Variants in BICRA observed in about 807,000 individuals in gnomAD.
BICRA encodes the protein BRD4-interacting chromatin-remodeling complex-associated protein.
BICRA carries 31 observed loss-of-function variants against 96.9 expected under a neutral mutation model. That is an observed-to-expected ratio of 0.32 (90% CI 0.24 to 0.43). BICRA has a LOEUF of 0.43. BICRA is among the 20% of genes least tolerant of loss of function. The probability of loss-of-function intolerance (pLI) is 1.00; values close to 1 mark genes in which losing one functional copy is unlikely to be tolerated. For synonymous variants in BICRA, 1,350 were observed against 1,071.8 expected (o/e 1.26, Z -5.07); for missense variants, 2,283 against 2,190.3 (o/e 1.04, Z -0.84).
chr19:47,619,201 C>CATATATATATATACACAT (rs10528949), intron 1 of BICRA, among the ~76,000 whole-genome samples: 35 of 141,282 alleles, frequency 2.5e-4, no homozygotes, highest in Non-Finnish European at 4.1e-4. Context: ...TGTATATATA[C>CATATATATATATACACAT]ATATATATAT....
chr19:47,687,917 G>A (rs180762265), intron 7 of BICRA, among the ~76,000 whole-genome samples: 1 of 152,116 alleles, frequency 6.6e-6, no homozygotes, highest in Non-Finnish European at 1.5e-5. Flanking sequence ...AGACGTAGAT[G>A]ATAAGCTTTC....
At chr19:47,623,369 A>G (rs932833166) in intron 1 of BICRA, among the ~76,000 whole-genome samples, 3 of 152,112 alleles carry the variant, frequency 2.0e-5, no homozygotes, top group African/African-American at 7.2e-5. Flanking sequence ...GGCTGCAGGT[A>G]GTACAGTTCA....
intron 1 of BICRA, among the ~76,000 whole-genome samples, chr19:47,622,334 T>A (rs1972076723): frequency 6.6e-6 from 1 of 151,582 alleles, no homozygotes; most frequent in Admixed American, 6.6e-5. Flanking sequence ...TGACCTCAGG[T>A]GATCCTCTCG....
At chr19:47,660,830 T>C (rs2123560713) in intron 1 of BICRA, among the ~76,000 whole-genome samples, 1 of 152,276 alleles carries the variant, frequency 6.6e-6, no homozygotes, top group South Asian at 2.1e-4. Flanking sequence ...ACCCAACCCT[T>C]TTTGGCCTCA....
chr19:47,678,496 G>A (rs531813617), intron 5 of BICRA, among the ~76,000 whole-genome samples: 22 of 152,176 alleles, frequency 1.4e-4, no homozygotes, highest in African/African-American at 5.3e-4. Context: ...GGGCATGGGC[G>A]TGCGATGCAG....
intron 1 of BICRA, among the ~76,000 whole-genome samples, chr19:47,651,459 C>T (rs556624607): frequency 3.3e-4 from 50 of 152,252 alleles, no homozygotes; most frequent in Admixed American, 3.3e-4. Flanking sequence ...GTACCCCAGC[C>T]CTCCCCAACC....
intron 1 of BICRA, among the ~76,000 whole-genome samples, chr19:47,648,073 C>G (rs377667029): frequency 1.3e-5 from 2 of 151,958 alleles, no homozygotes; most frequent in South Asian, 2.1e-4. Flanking sequence ...GAGCGTCTGC[C>G]TTCTCTCCGT....
At chr19:47,638,815 C>T (rs903222784) in intron 1 of BICRA, among the ~76,000 whole-genome samples, 12 of 152,028 alleles carry the variant, frequency 7.9e-5, no homozygotes, top group African/African-American at 2.2e-4. Flanking sequence ...CCACCATGCC[C>T]GGCTAGTATT....
chr19:47,653,774 G>A (rs1244141344), intron 1 of BICRA, among the ~76,000 whole-genome samples: 3 of 152,176 alleles, frequency 2.0e-5, no homozygotes, highest in Non-Finnish European at 4.4e-5. Flanking sequence ...GGGCATTTGG[G>A]TTCTACCTTT....
intron 1 of BICRA, among the ~76,000 whole-genome samples, chr19:47,640,237 G>T (rs964144271): frequency 1.3e-5 from 2 of 152,166 alleles, no homozygotes; most frequent in Admixed American, 1.3e-4. Flanking sequence ...ACATGAACAA[G>T]TCAAAGATCC....
At position 47,680,938 on chromosome 19, in the gene BICRA, C is replaced by A; in HGVS notation, c.1768C>A (p.Pro590Thr). 1 of 1,478,724 alleles carries A rather than the reference C, an allele frequency of 6.8e-7. No individual in the cohort carries two copies. Among genetic ancestry groups the A allele is most frequent in the Non-Finnish European group, 8.9e-7 (1 of 1,125,508 alleles). 91.6% of individuals were successfully genotyped at this position (1,478,724 alleles called of 1,614,324 possible). ...TTVLQGVTLP[P>T]SAVAMLNTPD... The stretch of plus-strand genomic sequence containing the variant: ...TGTCCTCCAGGGGGTCACCCTGCCC[C>A]CCAGCGCCGTGGCCATGCTCAACAC... Residue 590 changes from proline to threonine, a missense_variant, in exon 6 of 15, where the codon CCC (proline) becomes ACC (threonine). Physicochemically the swap from Pro to Thr is conservative, Grantham distance 38. Transcript: ENST00000594866.
At position 47,622,850 on chromosome 19, in the gene BICRA, C is replaced by T. The variant is rs139264044; in HGVS notation, c.-108+13682C>T. On this transcript the variant is annotated intron_variant, in intron 1 of 14. Coordinates refer to ENST00000594866, the MANE Select transcript of BICRA (RefSeq NM_001394372.1). ...GTCAGGAGTTCAAGACCAGCCTGGG[C>T]AACATGGTGAAGCCCCATCTCTACT... 2.2e-3 allele frequency among the ~76,000 whole-genome samples: 336 copies of T among 151,576 alleles called. 2 individuals carry two copies. Among genetic ancestry groups the T allele is most frequent in the African/African-American group, 7.8e-3 (322 of 41,312 alleles).
intron 1 of BICRA, among the ~76,000 whole-genome samples, chr19:47,621,955 C>G (rs982841959): frequency 6.6e-6 from 1 of 151,756 alleles, no homozygotes. Context: ...CCACCCCCAG[C>G]TAATTTTTGT....
intron 5 of BICRA, among the ~76,000 whole-genome samples, chr19:47,678,544 A>G (rs534186557): frequency 6.6e-6 from 1 of 152,252 alleles, no homozygotes; most frequent in African/African-American, 2.4e-5. Context: ...TGACAAGCTG[A>G]GGCCTGGGGC....
chr19:47,688,129 A>C, intron 7 of BICRA, among the ~76,000 whole-genome samples: 1 of 151,884 alleles, frequency 6.6e-6, no homozygotes, highest in East Asian at 1.9e-4. Context: ...GGCTCTCGAA[A>C]TCTCTTGGAA....
At chr19:47,674,191 A>T (rs976031439) in intron 4 of BICRA, among the ~76,000 whole-genome samples, 2 of 152,178 alleles carry the variant, frequency 1.3e-5, no homozygotes, top group South Asian at 2.1e-4. Context: ...TGGCAGAGGG[A>T]AGAGCAAGTT....
At chr19:47,700,873 T>G in intron 14 of BICRA, 1 of 164,858 alleles carries the variant, frequency 6.1e-6, no homozygotes, top group Non-Finnish European at 1.3e-5. Context: ...CTTAGCCCCA[T>G]TTTTAAAAAG....
chr19:47,673,511 C>T, intron 2 of BICRA, 59 bp from the exon 3 acceptor site: 1 of 1,415,796 alleles, frequency 7.1e-7, no homozygotes, highest in Admixed American at 1.7e-5. Context: ...GGGGGCCAGG[C>T]AAGCTGCCAA....
At chr19:47,653,635 CT>C (rs368827228) in intron 1 of BICRA, among the ~76,000 whole-genome samples, 64 of 152,332 alleles carry the variant, frequency 4.2e-4, no homozygotes, top group African/African-American at 1.5e-3. Context: ...GCCTGGCTCC[CT>C]TCACTTGGTG....
Sources: allele counts gnomAD v4.1 joint callset (sites outside exome capture counted in the v4.1 genomes callset), GRCh38; gene constraint gnomAD v4.1.1; transcripts MANE v1.5; gene names NCBI Gene and HGNC (gene_info 2026-07-23, HGNC 2026-07-21).